The following CALD1 variants were observed in gnomAD, a reference collection of about 807,000 sequenced individuals.
CALD1 encodes the protein caldesmon.
CALD1 carries 33 observed loss-of-function variants against 99.9 expected under a neutral mutation model. The observed-to-expected ratio is 0.33, with a 90% CI of 0.25 to 0.44. The LOEUF is 0.44. Among genes scored for constraint, CALD1 ranks in the 20% least tolerant of loss-of-function variants. The pLI, the probability that CALD1 is intolerant of heterozygous loss-of-function variation, is 1.00. For synonymous variants in CALD1, 310 were observed against 325.0 expected (o/e 0.95, Z 0.50); for missense variants, 861 against 962.1 (o/e 0.89, Z 1.39).
At chr7:134,712,658 T>G in the CALD1 span, among the ~76,000 whole-genome samples, 1 of 152,224 alleles carries the variant, frequency 6.6e-6, no homozygotes, top group Non-Finnish European at 1.5e-5. Flanking sequence ...AGAGTGGGTT[T>G]TCTCTTTTGT....
chr7:134,719,319 AT>A, the CALD1 span, among the ~76,000 whole-genome samples: 2 of 152,318 alleles, frequency 1.3e-5, no homozygotes, highest in Middle Eastern at 3.4e-3. Context: ...GGATAAAAAA[AT>A]ATGTCCAAAT....
intron 1 of CALD1, among the ~76,000 whole-genome samples, chr7:134,800,239 A>G (rs1453649389): frequency 6.6e-6 from 1 of 152,164 alleles, no homozygotes; most frequent in Non-Finnish European, 1.5e-5. Flanking sequence ...AATGAAACAA[A>G]AAGAAAAACT....
intron 1 of CALD1, among the ~76,000 whole-genome samples, chr7:134,756,304 A>G (rs1239140805): frequency 1.3e-5 from 2 of 149,336 alleles, no homozygotes; most frequent in African/African-American, 2.5e-5. Context: ...AAAAATTAAA[A>G]AAAACCTAAA....
At chr7:134,859,947 CTTCTGTT>C (rs543673105) in intron 2 of CALD1, among the ~76,000 whole-genome samples, 94 of 152,210 alleles carry the variant, frequency 6.2e-4, no homozygotes, top group African/African-American at 2.0e-3. Flanking sequence ...TCTGCCAGGT[CTTCTGTT>C]TGCTAGTGGA....
chr7:134,891,705 CCTTT>C (rs749653457), intron 3 of CALD1: 67 of 1,411,046 alleles, frequency 4.7e-5, no homozygotes, highest in Admixed American at 1.7e-4. Context: ...TTGGTTTTTT[CCTTT>C]CTTTTTTTTT....
the CALD1 span, among the ~76,000 whole-genome samples, chr7:134,722,427 TTG>T: frequency 3.3e-5 from 5 of 152,166 alleles, no homozygotes; most frequent in Admixed American, 6.5e-5. Context: ...ATTTGTTTGT[TTG>T]TTTGTTTCTG....
intron 1 of CALD1, among the ~76,000 whole-genome samples, chr7:134,784,133 T>C (rs1209330324): frequency 6.6e-6 from 1 of 152,246 alleles, no homozygotes; most frequent in Non-Finnish European, 1.5e-5. Context: ...TATATGTATA[T>C]GTATAAATGA....
chr7:134,957,363 C>T (rs1807855103), intron 9 of CALD1, among the ~76,000 whole-genome samples: 1 of 152,118 alleles, frequency 6.6e-6, no homozygotes, highest in Non-Finnish European at 1.5e-5. Flanking sequence ...CTAGTAAATA[C>T]ATCCTAAAGG....
chr7:134,868,722 C>T (rs920139842), intron 3 of CALD1, among the ~76,000 whole-genome samples: 2 of 152,146 alleles, frequency 1.3e-5, no homozygotes, highest in African/African-American at 4.8e-5. Flanking sequence ...AAAATAACTG[C>T]CTATGATGAA....
At chr7:134,711,660 C>CTCTCTCTCTCTATA in the CALD1 span, among the ~76,000 whole-genome samples, 24 of 78,318 alleles carry the variant, frequency 3.1e-4, no homozygotes, top group African/African-American at 7.4e-4. Context: ...CTCTCTCTCT[C>CTCTCTCTCTCTATA]TATATATATA....
At chr7:134,773,788 G>GTGTGTC (rs1176114321) in intron 1 of CALD1, among the ~76,000 whole-genome samples, 22 of 132,980 alleles carry the variant, frequency 1.7e-4, no homozygotes, top group African/African-American at 7.9e-4. Context: ...TCTTCTGTGT[G>GTGTGTC]TGTGTGTGTG....
Position 134,969,427 on chromosome 7 carries a change from T to G in CALD1, c.*1082T>G, listed in dbSNP as rs1395805136. 3 of 152,232 alleles carry G rather than the reference T, an allele frequency of 2.0e-5. No individual in the cohort carries two copies. Among genetic ancestry groups the G allele is most frequent in the East Asian group, 3.8e-4 (2 of 5,204 alleles). The allele number at this position is 152,232 out of a possible 1,614,324, so 9.4% of individuals were successfully genotyped here. A position where few individuals can be genotyped will look rare whatever the true frequency, so the allele number is the denominator to read the frequency against. Reference sequence around the variant, plus strand: ...AAACAATGAAGTTCACAATAGGTCATAAGGTCTCTTCCTTTTCTAAAATTG... The same window carrying G: ...AAACAATGAAGTTCACAATAGGTCAGAAGGTCTCTTCCTTTTCTAAAATTG... On this transcript the variant is annotated 3_prime_UTR_variant, in exon 15 of 15. Coordinates refer to ENST00000361675, the MANE Select transcript of CALD1 (RefSeq NM_033138.4).
chr7:134,832,024 T>C (rs1799247411), intron 1 of CALD1, among the ~76,000 whole-genome samples: 1 of 152,232 alleles, frequency 6.6e-6, no homozygotes, highest in Non-Finnish European at 1.5e-5. Flanking sequence ...TATAAGCCCG[T>C]CTTTTCCCCA....
rs554504152 is a variant in CALD1 at position 134,888,024 on chromosome 7, T to C, written c.71+20220T>C. On this transcript the variant is annotated intron_variant, in intron 3 of 14. Transcript: ENST00000361675. ...CAGACTCTAAAGTCTGGAACAGATC[T>C]TGTGGTCCGGTCTCCCACCTCCATG... Among the ~76,000 whole-genome samples the C allele has an allele frequency of 2.6e-5, 4 of 152,350 alleles. No individual in the cohort carries two copies. The South Asian group carries it at 8.3e-4, about 32-fold the overall frequency.
At chr7:134,768,158 G>T (rs1420608943) in intron 1 of CALD1, among the ~76,000 whole-genome samples, 1 of 152,184 alleles carries the variant, frequency 6.6e-6, no homozygotes, top group East Asian at 1.9e-4. Flanking sequence ...GGCCAGTCCT[G>T]TTCCATGGAA....
rs1254790327 is a variant in CALD1, at chr7:134,848,050, CG to C, written c.-42+4080del. ...AAGTTGTGAACATCTCATACCACGC[CG>C]TGCAACAGTACTCAAATAGGACTTA... On this transcript the variant is annotated intron_variant, in intron 2 of 14. Coordinates refer to ENST00000361675, the MANE Select transcript of CALD1 (RefSeq NM_033138.4). Among the ~76,000 whole-genome samples, 11 of 152,070 alleles carry C rather than the reference CG, an allele frequency of 7.2e-5. No homozygotes were observed. In the East Asian group the frequency reaches 2.1e-3, roughly 29 times the overall value.
At chr7:134,822,317 T>C (rs1798814998) in intron 1 of CALD1, among the ~76,000 whole-genome samples, 1 of 152,152 alleles carries the variant, frequency 6.6e-6, no homozygotes, top group African/African-American at 2.4e-5. Context: ...GTTTACCAGA[T>C]GTGTGAGAAA....
intron 1 of CALD1, among the ~76,000 whole-genome samples, chr7:134,800,731 T>C (rs911862536): frequency 6.6e-6 from 1 of 152,056 alleles, no homozygotes; most frequent in African/African-American, 2.4e-5. Flanking sequence ...GTACAGGATG[T>C]CTGAAAATCT....
At position 134,895,259 on chromosome 7, in the gene CALD1, T is replaced by A. The variant is rs577876412; in HGVS notation, c.71+27455T>A. On this transcript the variant is annotated intron_variant, in intron 3 of 14. Coordinates refer to ENST00000361675, the MANE Select transcript of CALD1 (RefSeq NM_033138.4). Reference sequence around the variant, plus strand: ...TCAATGTTATCAGGAAATGTAGCATTATAATTATCCAGGATGCTAAATTTG... The same window carrying A: ...TCAATGTTATCAGGAAATGTAGCATAATAATTATCCAGGATGCTAAATTTG... Among the ~76,000 whole-genome samples, 5 of 151,958 alleles carry A rather than the reference T, an allele frequency of 3.3e-5. No homozygotes were observed. The South Asian group carries it at 1.0e-3, about 32-fold the overall frequency.
Sources: allele counts gnomAD v4.1 joint callset (sites outside exome capture counted in the v4.1 genomes callset), GRCh38; gene constraint gnomAD v4.1.1; transcripts MANE v1.5; gene names NCBI Gene and HGNC (gene_info 2026-07-23, HGNC 2026-07-21).